DCC: variants seen among roughly 807,000 people sequenced by gnomAD.
DCC encodes DCC netrin 1 receptor.
In DCC, 58 loss-of-function variants were observed where a neutral mutation model predicts 172.5. That is an observed-to-expected ratio of 0.34 (90% CI 0.27 to 0.42). The LOEUF is 0.42. DCC is among the 10% of genes least tolerant of loss of function. The pLI is 1.00. For synonymous variants in DCC, 709 were observed against 644.5 expected (o/e 1.10, Z -1.52); for missense variants, 1,740 against 1,791.0 (o/e 0.97, Z 0.51).
intron 1 of DCC, among the ~76,000 whole-genome samples, chr18:52,505,765 A>C (rs954264371): frequency 6.6e-6 from 1 of 151,972 alleles, no homozygotes; most frequent in Admixed American, 6.6e-5. Context: ...TTGAAAATTA[A>C]AATTGTAAAA....
chr18:53,362,925 T>G lies in DCC; in HGVS notation c.2359+23018T>G, dbSNP rs1045387724. Among the ~76,000 whole-genome samples the G allele has an allele frequency of 2.0e-5, 3 of 152,284 alleles. No homozygotes were observed. In the East Asian group the frequency reaches 5.8e-4, roughly 29 times the overall value. ...CCATAATAATGGTAATGAATAACAC[T>G]TATTGAACATTTACTCTGTGCCAAC... On this transcript the variant is annotated intron_variant, in intron 15 of 28. Coordinates refer to ENST00000442544, the MANE Select transcript of DCC (RefSeq NM_005215.4).
chr18:53,098,427 T>G (rs1035284635), intron 7 of DCC, among the ~76,000 whole-genome samples: 2 of 152,194 alleles, frequency 1.3e-5, no homozygotes, highest in Admixed American at 6.5e-5. Flanking sequence ...GTAACACTTT[T>G]TCCATTTTTC....
At chr18:52,781,103 G>A (rs1219964053) in intron 2 of DCC, among the ~76,000 whole-genome samples, 1 of 152,136 alleles carries the variant, frequency 6.6e-6, no homozygotes, top group African/African-American at 2.4e-5. Flanking sequence ...ATAATGCTCA[G>A]CCATGTAGAA....
At chr18:52,538,469 C>G (rs1347813712) in intron 1 of DCC, among the ~76,000 whole-genome samples, 1 of 152,072 alleles carries the variant, frequency 6.6e-6, no homozygotes, top group Non-Finnish European at 1.5e-5. Flanking sequence ...CCTGATGTAC[C>G]CTGTTCAAAC....
chr18:52,448,017 C>T (rs898958003), intron 1 of DCC, among the ~76,000 whole-genome samples: 3 of 152,134 alleles, frequency 2.0e-5, no homozygotes, highest in Non-Finnish European at 4.4e-5. Context: ...GTGAGATATT[C>T]TAGTCCAGGG....
At chr18:53,099,931 T>TTTTCTTTC (rs1188786100) in intron 7 of DCC, among the ~76,000 whole-genome samples, 8 of 120,852 alleles carry the variant, frequency 6.6e-5, no homozygotes, top group African/African-American at 2.2e-4. Flanking sequence ...TTTTCTTTTC[T>TTTTCTTTC]TTTCTTTCTT....
intron 1 of DCC, among the ~76,000 whole-genome samples, chr18:52,507,191 G>C (rs72926549): frequency 6.6e-6 from 1 of 152,160 alleles, no homozygotes; most frequent in Non-Finnish European, 1.5e-5. Context: ...TTTAGTATTT[G>C]GTTCCCCCTT....
intron 12 of DCC, among the ~76,000 whole-genome samples, chr18:53,265,298 C>T (rs971784552): frequency 2.0e-5 from 3 of 152,150 alleles, no homozygotes; most frequent in Non-Finnish European, 4.4e-5. Flanking sequence ...ATAGAGGTGA[C>T]AGCCTCTAAG....
chr18:52,588,524 A>G (rs537056753), intron 1 of DCC, among the ~76,000 whole-genome samples: 23 of 152,374 alleles, frequency 1.5e-4, no homozygotes, highest in Non-Finnish European at 2.8e-4. Flanking sequence ...TTTCTTATAG[A>G]CTAGTCAGGA....
intron 18 of DCC, among the ~76,000 whole-genome samples, chr18:53,401,937 C>T (rs1347819361): frequency 3.9e-5 from 6 of 152,122 alleles, no homozygotes; most frequent in Non-Finnish European, 7.4e-5. Context: ...AGCAGGACTT[C>T]GTGCCATCTT....
intron 1 of DCC, among the ~76,000 whole-genome samples, chr18:52,345,991 A>G (rs1278612645): frequency 1.3e-5 from 2 of 152,228 alleles, no homozygotes; most frequent in Non-Finnish European, 2.9e-5. Context: ...AGGTTGGAAT[A>G]ATAGAACGTT....
intron 15 of DCC, among the ~76,000 whole-genome samples, chr18:53,382,893 C>T (rs1907876687): frequency 6.6e-6 from 1 of 152,044 alleles, no homozygotes; most frequent in Non-Finnish European, 1.5e-5. Context: ...AGGTCACATA[C>T]AAATTTTATG....
At chr18:53,231,556 T>C (rs1275866968) in intron 12 of DCC, among the ~76,000 whole-genome samples, 2 of 152,088 alleles carry the variant, frequency 1.3e-5, no homozygotes, top group African/African-American at 4.8e-5. Context: ...TATAATGAGT[T>C]TGAGGAGGCT....
At chr18:52,710,690 C>CA (rs1454058718) in intron 1 of DCC, among the ~76,000 whole-genome samples, 1 of 151,760 alleles carries the variant, frequency 6.6e-6, no homozygotes, top group African/African-American at 2.4e-5. Context: ...TCTCAGCAAA[C>CA]AAAAAAAGTG....
intron 13 of DCC, among the ~76,000 whole-genome samples, chr18:53,309,928 A>G (rs1210296063): frequency 1.3e-4 from 18 of 137,366 alleles, no homozygotes; most frequent in Admixed American, 3.3e-4. Context: ...GCGTGTATAT[A>G]TATATATATA....
chr18:53,394,149 G>A (rs1321513251), intron 17 of DCC, among the ~76,000 whole-genome samples: 1 of 152,116 alleles, frequency 6.6e-6, no homozygotes, highest in Admixed American at 6.5e-5. Flanking sequence ...AATGTACATG[G>A]AGCCACATGA....
At chr18:52,937,380 C>T (rs1047280430) in intron 5 of DCC, among the ~76,000 whole-genome samples, 1 of 152,142 alleles carries the variant, frequency 6.6e-6, no homozygotes, top group Non-Finnish European at 1.5e-5. Flanking sequence ...TTGTACCAAC[C>T]TACTACCTCC....
intron 2 of DCC, among the ~76,000 whole-genome samples, chr18:52,769,248 T>C (rs2037302231): frequency 6.6e-6 from 1 of 152,228 alleles, no homozygotes; most frequent in African/African-American, 2.4e-5. Flanking sequence ...TTGATGTCAG[T>C]GTTCTGACTT....
intron 19 of DCC, among the ~76,000 whole-genome samples, chr18:53,406,385 A>C (rs1909648511): frequency 6.8e-6 from 1 of 146,448 alleles, no homozygotes; most frequent in Non-Finnish European, 1.5e-5. Context: ...TCTATAGTAG[A>C]GTTAGGGATT....
Sources: gnomAD v4.1 joint callset for allele counts (sites outside exome capture counted in the v4.1 genomes callset) on GRCh38, gnomAD v4.1.1 for gene constraint, MANE v1.5 for transcripts, NCBI Gene and HGNC (gene_info 2026-07-23, HGNC 2026-07-21) for gene names.